The following PGBD5 variants were observed in gnomAD, a reference collection of about 807,000 sequenced individuals.
The protein encoded by PGBD5 is piggyBac transposable element-derived protein 5.
Under a neutral mutation model 47.9 loss-of-function variants are expected in PGBD5, and 14 were observed. The ratio of observed to expected loss-of-function variants is 0.29; its 90% CI spans 0.19 to 0.46. PGBD5 has a LOEUF of 0.46. Among genes scored for constraint, PGBD5 ranks in the 20% least tolerant of loss-of-function variants. The pLI, the probability that PGBD5 is intolerant of heterozygous loss-of-function variation, is 1.00. For synonymous variants in PGBD5, 316 were observed against 306.3 expected (o/e 1.03, Z -0.33); for missense variants, 635 against 716.0 (o/e 0.89, Z 1.29).
At position 230,314,581 on chromosome 1, in the gene PGBD5, C is replaced by CTT. The variant is rs3045440; in HGVS notation, c.*8842_*8843dup. On this transcript the variant is annotated 3_prime_UTR_variant, in exon 7 of 7. Coordinates refer to ENST00000391860, the MANE Select transcript of PGBD5 (RefSeq NM_001258311.2). ...ACATGACAAAATGCTTGAATTAAAT[C>CTT]TTTTTTTTTTTTTTTTTTTTTTTTG... The CTT allele has an allele frequency of 6.8e-4, 60 of 88,350 alleles. No homozygotes were observed. The highest frequency in any genetic ancestry group is 6.8e-3 in the Middle Eastern group (1 of 148). 5.5% of individuals were successfully genotyped at this position (88,350 alleles called of 1,614,324 possible).
intron 1 of PGBD5, among the ~76,000 whole-genome samples, chr1:230,362,043 G>C (rs1358570977): frequency 6.6e-6 from 1 of 152,252 alleles, no homozygotes; most frequent in Non-Finnish European, 1.5e-5. Context: ...AGGGGAGTGG[G>C]TGGGGCTGGA....
intron 3 of PGBD5, 57 bp downstream of exon 3, chr1:230,350,901 G>C: frequency 6.3e-7 from 1 of 1,589,702 alleles, no homozygotes. Flanking sequence ...CAAGTCGCCC[G>C]GATTTTCTTC....
intron 1 of PGBD5, among the ~76,000 whole-genome samples, chr1:230,416,484 T>C (rs1019990636): frequency 6.6e-6 from 1 of 152,138 alleles, no homozygotes; most frequent in African/African-American, 2.4e-5. Flanking sequence ...TCTCCACACA[T>C]GATAAATAAA....
chr1:230,351,078 G>A lies in PGBD5; in HGVS notation c.774C>T (p.Pro258=). The A allele has an allele frequency of 6.2e-7, 1 of 1,613,318 alleles. No homozygotes were observed. The change falls in exon 3 of 7, where the codon CCC becomes CCT. Residue 258 remains proline (P), a synonymous_variant. Transcript: ENST00000391860. Reference sequence around the variant, plus strand: ...TGAATACAGGATCCTCATCGATCAGGGGTTCATGTAGCACCTGCCAGGAGG... The same window carrying A: ...TGAATACAGGATCCTCATCGATCAGAGGTTCATGTAGCACCTGCCAGGAGG... ...RPSQTQVLHE[P]LIDEDPVFIA...
chr1:230,322,440 T>C lies in PGBD5; in HGVS notation c.*985A>G, dbSNP rs1234404166. 1 of 152,240 alleles carries C rather than the reference T, an allele frequency of 6.6e-6. No individual in the cohort carries two copies. Among genetic ancestry groups the C allele is most frequent in the African/African-American group, 2.4e-5 (1 of 41,438 alleles). The allele number at this position is 152,240 out of a possible 1,614,324, so 9.4% of individuals were successfully genotyped here. On this transcript the variant is annotated 3_prime_UTR_variant, in exon 7 of 7. Coordinates refer to ENST00000391860, the MANE Select transcript of PGBD5 (RefSeq NM_001258311.2). The surrounding 1 kb of genome is among the most constrained non-coding windows in gnomAD (Gnocchi z 5.9). The stretch of plus-strand genomic sequence containing the variant: ...ATGAGCAAATGGCCATCGTAGAGAA[T>C]TCGGTTGTGTGTTTCAGCAATGCTA...
At chr1:230,378,225 G>A (rs763967064) in intron 1 of PGBD5, among the ~76,000 whole-genome samples, 7 of 152,266 alleles carry the variant, frequency 4.6e-5, no homozygotes, top group Middle Eastern at 3.4e-3. Flanking sequence ...TGGCCTCTCC[G>A]GTAGACACAG....
Position 230,325,384 on chromosome 1 carries a change from G to A in PGBD5, c.1305C>T (p.Ile435=), listed in dbSNP as rs781200501. 1.9e-5 allele frequency: 31 copies of A among 1,613,586 alleles called. No individual in the cohort carries two copies. The highest frequency in any genetic ancestry group is 2.6e-5 in the Non-Finnish European group (31 of 1,179,828). Residue 435 remains isoleucine (I), a synonymous_variant, in exon 6 of 7, where the codon ATC becomes ATT. Transcript: ENST00000391860. ...ACGCCTCCACGGCCAAGGGGCATGG[G>A]ATCTCCCCACTCTTCCTTTTGATGA... is the stretch of plus-strand genomic sequence containing the variant. The part of the protein sequence containing the change: ...GVIIKRKSGE[I]PCPLAVEAFA...
At chr1:230,422,702 C>A (rs1350808345) in intron 1 of PGBD5, among the ~76,000 whole-genome samples, 1 of 152,072 alleles carries the variant, frequency 6.6e-6, no homozygotes, top group Non-Finnish European at 1.5e-5. Context: ...GCCGCACTTC[C>A]GGAGGAGCTG....
intron 1 of PGBD5, among the ~76,000 whole-genome samples, chr1:230,421,669 A>C (rs1657651784): frequency 6.6e-6 from 1 of 152,238 alleles, no homozygotes; most frequent in African/African-American, 2.4e-5. Flanking sequence ...CAGCTCTCCC[A>C]GGAAGCTCCC....
At chr1:230,328,038 T>C (rs1274733321) in intron 5 of PGBD5, among the ~76,000 whole-genome samples, 1 of 152,168 alleles carries the variant, frequency 6.6e-6, no homozygotes, top group Non-Finnish European at 1.5e-5. Context: ...CCCTTAGTTC[T>C]TTTCCCGGAA....
intron 1 of PGBD5, among the ~76,000 whole-genome samples, chr1:230,364,357 CA>C (rs1667793956): frequency 6.6e-6 from 1 of 152,188 alleles, no homozygotes; most frequent in South Asian, 2.1e-4. Flanking sequence ...ACCAATATTC[CA>C]AAATTATGTT....
At chr1:230,331,254 A>G (rs941136965) in intron 5 of PGBD5, among the ~76,000 whole-genome samples, 18 of 152,070 alleles carry the variant, frequency 1.2e-4, no homozygotes. Flanking sequence ...CTCACAAAAA[A>G]TACAAAAAAA....
At chr1:230,393,225 G>A (rs548769566) in intron 1 of PGBD5, among the ~76,000 whole-genome samples, 7 of 145,670 alleles carry the variant, frequency 4.8e-5, no homozygotes, top group Admixed American at 3.4e-4. Flanking sequence ...GGGAAAGGAG[G>A]AGAGGAGGAG....
At chr1:230,423,743 A>G (rs1657711377) in intron 1 of PGBD5, among the ~76,000 whole-genome samples, 1 of 152,210 alleles carries the variant, frequency 6.6e-6, no homozygotes, top group Non-Finnish European at 1.5e-5. Context: ...CACACAGGGC[A>G]GGAAAACAAA....
At chr1:230,399,539 T>C (rs1349560379) in intron 1 of PGBD5, among the ~76,000 whole-genome samples, 1 of 152,138 alleles carries the variant, frequency 6.6e-6, no homozygotes, top group Non-Finnish European at 1.5e-5. Context: ...GGCAGGTACA[T>C]GCCATCTCCT....
chr1:230,350,849 T>C (rs1362687209), intron 3 of PGBD5, 109 bp downstream of exon 3: 11 of 1,460,600 alleles, frequency 7.5e-6, no homozygotes, highest in South Asian at 2.7e-5. Flanking sequence ...GGACCCACAG[T>C]GAAAAGGGTA....
chr1:230,366,609 A>G (rs1667837805), intron 1 of PGBD5, among the ~76,000 whole-genome samples: 1 of 152,188 alleles, frequency 6.6e-6, no homozygotes, highest in Non-Finnish European at 1.5e-5. Flanking sequence ...TGGATTCATG[A>G]GATGTGTGAC....
intron 2 of PGBD5, among the ~76,000 whole-genome samples, chr1:230,353,298 G>A (rs1006476404): frequency 6.6e-6 from 1 of 152,158 alleles, no homozygotes; most frequent in Non-Finnish European, 1.5e-5. Flanking sequence ...AGGGTGGTAG[G>A]TATGGTAGGG....
At chr1:230,350,817 G>A (rs919766389) in intron 3 of PGBD5, 141 bp downstream of exon 3, 18 of 1,258,080 alleles carry the variant, frequency 1.4e-5, no homozygotes, top group Admixed American at 5.0e-5. Flanking sequence ...CCTGGCCTCC[G>A]CAGGAGCATC....
Sources: gnomAD v4.1 joint callset for allele counts (sites outside exome capture counted in the v4.1 genomes callset) on GRCh38, gnomAD v4.1.1 for gene constraint, Gnocchi (gnomAD v3.1) non-coding constraint, MANE v1.5 for transcripts, NCBI Gene and HGNC (gene_info 2026-07-23, HGNC 2026-07-21) for gene names.